The following ISOC1 variants were observed in gnomAD, a reference collection of about 807,000 sequenced individuals.
The protein encoded by ISOC1 is isochorismatase domain-containing protein 1.
In ISOC1, 33 loss-of-function variants were observed where a neutral mutation model predicts 30.0. The observed-to-expected ratio is 1.10, with a 90% CI of 0.83 to 1.47. The LOEUF is 1.47. Ranked by LOEUF, ISOC1 falls within the 40% of genes most tolerant of loss-of-function variation. ISOC1 has a pLI of 0.00. For synonymous variants in ISOC1, 178 were observed against 159.8 expected (o/e 1.11, Z -0.86); for missense variants, 372 against 388.0 (o/e 0.96, Z 0.35).
chr5:129,112,800 A>G lies in ISOC1; in HGVS notation c.751-55A>G. On this transcript the variant is annotated intron_variant, in intron 4 of 4. Transcript: ENST00000173527. ...TCCCAGCATAGTGTTACTCTTCTGA[A>G]ATAGTGTTCATTCTCATGCTTATTT... 3.8e-6 allele frequency: 6 copies of G among 1,576,860 alleles called. No individual in the cohort carries two copies. The Admixed American group carries it at 5.3e-5, about 14-fold the overall frequency.
chr5:129,105,155 T>G, intron 2 of ISOC1, 30 bp from the exon 3 acceptor site: 2 of 1,612,582 alleles, frequency 1.2e-6, no homozygotes, highest in South Asian at 2.2e-5. Flanking sequence ...ATATAGCTAA[T>G]TGTTTTTGTG....
At chr5:129,104,153 C>T (rs1317014590) in intron 1 of ISOC1, among the ~76,000 whole-genome samples, 1 of 152,122 alleles carries the variant, frequency 6.6e-6, no homozygotes, top group Non-Finnish European at 1.5e-5. Context: ...TAGGTCTCTT[C>T]CTTGTGAAGT....
chr5:129,109,451 T>G (rs1753678223), intron 4 of ISOC1, among the ~76,000 whole-genome samples: 1 of 152,250 alleles, frequency 6.6e-6, no homozygotes, highest in African/African-American at 2.4e-5. Flanking sequence ...TTGTTGTTAC[T>G]GATTGTTGTC....
chr5:129,106,883 A>T, intron 3 of ISOC1, 63 bp from the exon 4 acceptor site: 2 of 1,125,928 alleles, frequency 1.8e-6, no homozygotes, highest in East Asian at 5.0e-5. Flanking sequence ...ATGTTGTTGT[A>T]CATTTGTAAA....
Position 129,106,955 on chromosome 5 carries a change from T to C in ISOC1, c.643T>C (p.Cys215Arg). ...TGTACTTTCCTACTAGACTCATGTG[T>C]GCATCCAACAAACTGCCCTGGAGCT... ...VVLFGVETHV[C>R]IQQTALELVG... Residue 215 changes from cysteine (C) to arginine (R), a missense_variant, in exon 4 of 5, where the codon TGC becomes CGC. By Grantham distance (180) the Cys-to-Arg change is radical. Coordinates refer to ENST00000173527, the MANE Select transcript of ISOC1 (RefSeq NM_016048.2). 6.2e-7 allele frequency: 1 copy of C among 1,612,676 alleles called. No homozygotes were observed. The highest frequency in any genetic ancestry group is 2.2e-5 in the East Asian group (1 of 44,860).
chr5:129,111,405 T>C (rs1372123932), intron 4 of ISOC1, among the ~76,000 whole-genome samples: 1 of 152,198 alleles, frequency 6.6e-6, no homozygotes, highest in African/African-American at 2.4e-5. Flanking sequence ...TACTCCCTTA[T>C]ACTTCATTAC....
rs1753732707 is a variant in ISOC1, at chr5:129,113,134, C to T, written c.*133C>T. 6.9e-6 allele frequency: 5 copies of T among 721,872 alleles called. No homozygotes were observed. Among genetic ancestry groups the T allele is most frequent in the Non-Finnish European group, 1.1e-5 (5 of 466,634 alleles). 44.7% of individuals were successfully genotyped at this position (721,872 alleles called of 1,614,324 possible). A position where few individuals can be genotyped will look rare whatever the true frequency, so the allele number is the denominator to read the frequency against. On this transcript the variant is annotated 3_prime_UTR_variant, in exon 5 of 5. Transcript: ENST00000173527. ...AAAAACGGCTCCTTTTTTGCGCCTC[C>T]TAGTGAAACTTAACCAGCTAGACCA...
At chr5:129,102,016 T>A (rs895072829) in intron 1 of ISOC1, among the ~76,000 whole-genome samples, 7 of 152,194 alleles carry the variant, frequency 4.6e-5, no homozygotes, top group Admixed American at 4.6e-4. Context: ...AGGTACATGT[T>A]ATTAACATGA....
intron 1 of ISOC1, among the ~76,000 whole-genome samples, chr5:129,098,448 G>A (rs1353116842): frequency 6.6e-6 from 1 of 152,180 alleles, no homozygotes; most frequent in Non-Finnish European, 1.5e-5. Flanking sequence ...GGATTATGTA[G>A]TGGGGATTTA....
intron 1 of ISOC1, among the ~76,000 whole-genome samples, chr5:129,099,844 C>T (rs889267532): frequency 6.6e-6 from 1 of 152,118 alleles, no homozygotes; most frequent in Non-Finnish European, 1.5e-5. Context: ...TGAAATACCC[C>T]TATGATGTAG....
At chr5:129,106,912 G>A (rs1484818899) in intron 3 of ISOC1, 34 bp from the exon 4 acceptor site, 1 of 1,440,766 alleles carries the variant, frequency 6.9e-7, no homozygotes, top group South Asian at 1.2e-5. Context: ...AGTTTATTAT[G>A]TTATTACATA....
At chr5:129,099,014 GA>G (rs199845086) in intron 1 of ISOC1, among the ~76,000 whole-genome samples, 6,901 of 152,136 alleles carry the variant, frequency 0.045, 527 homozygotes, top group African/African-American at 0.16. Flanking sequence ...CTAATGCTCA[GA>G]GAGGAGACAG....
intron 1 of ISOC1, among the ~76,000 whole-genome samples, chr5:129,098,444 T>A (rs1252228191): frequency 6.6e-6 from 1 of 152,196 alleles, no homozygotes; most frequent in East Asian, 1.9e-4. Flanking sequence ...GAGAGGATTA[T>A]GTAGTGGGGA....
At chr5:129,106,389 G>A (rs918506412) in intron 3 of ISOC1, among the ~76,000 whole-genome samples, 7 of 152,160 alleles carry the variant, frequency 4.6e-5, no homozygotes, top group African/African-American at 1.7e-4. Flanking sequence ...ACACAAGTTA[G>A]TACTTACAAA....
chr5:129,105,497 A>G, intron 3 of ISOC1, 109 bp downstream of exon 3: 1 of 855,940 alleles, frequency 1.2e-6, no homozygotes, highest in Non-Finnish European at 1.8e-6. Flanking sequence ...ATAATGAGGA[A>G]AGGTAGCCAC....
At chr5:129,108,222 A>T (rs1425299250) in intron 4 of ISOC1, among the ~76,000 whole-genome samples, 1 of 152,146 alleles carries the variant, frequency 6.6e-6, no homozygotes, top group Non-Finnish European at 1.5e-5. Context: ...GTGGTAAGGT[A>T]GAGCAAATGA....
chr5:129,097,018 C>T (rs1174049338), intron 1 of ISOC1, among the ~76,000 whole-genome samples: 1 of 152,096 alleles, frequency 6.6e-6, no homozygotes, highest in African/African-American at 2.4e-5. Context: ...TCACCTGTAG[C>T]TTTTGCAGTG....
chr5:129,111,483 T>C lies in ISOC1; in HGVS notation c.751-1372T>C, dbSNP rs115104558. ...TGATGTACAGCCATTGAAGGAAGAC[T>C]GACTTACACTCTGCAAGGATATTTT... On this transcript the variant is annotated intron_variant, in intron 4 of 4. Coordinates refer to ENST00000173527, the MANE Select transcript of ISOC1 (RefSeq NM_016048.2). 3.2e-3 allele frequency among the ~76,000 whole-genome samples: 490 copies of C among 152,330 alleles called. 2 individuals carry two copies. The highest frequency in any genetic ancestry group is 0.011 in the African/African-American group (457 of 41,578).
At chr5:129,103,103 T>G (rs538576804) in intron 1 of ISOC1, among the ~76,000 whole-genome samples, 3 of 152,338 alleles carry the variant, frequency 2.0e-5, no homozygotes, top group African/African-American at 7.2e-5. Flanking sequence ...GCAGGCAAAC[T>G]GCTTTATGTA....
Sources: allele counts gnomAD v4.1 joint callset (sites outside exome capture counted in the v4.1 genomes callset), GRCh38; gene constraint gnomAD v4.1.1; transcripts MANE v1.5; gene names NCBI Gene and HGNC (gene_info 2026-07-23, HGNC 2026-07-21).